The following CLSTN2 variants were observed in gnomAD, a reference collection of about 807,000 sequenced individuals.
The protein encoded by CLSTN2 is calsyntenin 2.
Under a neutral mutation model 101.2 loss-of-function variants are expected in CLSTN2, and 48 were observed. The ratio of observed to expected loss-of-function variants is 0.47; its 90% CI spans 0.38 to 0.60. CLSTN2 has a LOEUF of 0.60. CLSTN2 is among the 20% of genes least tolerant of loss of function. CLSTN2 has a pLI of 0.00. For synonymous variants in CLSTN2, 481 were observed against 463.6 expected (o/e 1.04, Z -0.48); for missense variants, 1,160 against 1,238.2 (o/e 0.94, Z 0.95).
chr3:140,133,174 G>A (rs1344709560), intron 1 of CLSTN2, among the ~76,000 whole-genome samples: 1 of 152,098 alleles, frequency 6.6e-6, no homozygotes, highest in African/African-American at 2.4e-5. Flanking sequence ...CCAAGAGAGA[G>A]GGAGGGGTGC....
chr3:140,407,819 A>T (rs1020526381), intron 4 of CLSTN2, among the ~76,000 whole-genome samples: 1 of 152,198 alleles, frequency 6.6e-6, no homozygotes, highest in East Asian at 1.9e-4. Context: ...TAACACTGTC[A>T]CAGTGGTGAT....
At chr3:140,029,878 G>T (rs191047391) in intron 1 of CLSTN2, among the ~76,000 whole-genome samples, 49 of 152,188 alleles carry the variant, frequency 3.2e-4, no homozygotes, top group Admixed American at 3.1e-3. Flanking sequence ...AGATCTCCAA[G>T]ACCCAAATTG....
intron 2 of CLSTN2, among the ~76,000 whole-genome samples, chr3:140,177,478 T>C (rs955510282): frequency 6.6e-6 from 1 of 152,074 alleles, no homozygotes; most frequent in African/African-American, 2.4e-5. Context: ...CATGGAAATG[T>C]TTGGTTTATT....
rs528754028 is a variant in CLSTN2, at chr3:140,215,824, C to T, written c.232+39751C>T. Among the ~76,000 whole-genome samples, 8 of 152,278 alleles carry T rather than the reference C, an allele frequency of 5.3e-5. No individual in the cohort carries two copies. The South Asian group carries it at 1.7e-3, about 32-fold the overall frequency. On this transcript the variant is annotated intron_variant, in intron 2 of 16. Transcript: ENST00000458420. ...TTCATATAAAATGCTTAAAACAGTGCTTGACATATGGTGAGTACTCAATAT... is the reference window on the plus strand; with the variant it reads ...TTCATATAAAATGCTTAAAACAGTGTTTGACATATGGTGAGTACTCAATAT...
intron 14 of CLSTN2, 39 bp from the exon 15 acceptor site, chr3:140,563,041 C>T (rs1283098937): frequency 5.0e-6 from 8 of 1,612,276 alleles, no homozygotes; most frequent in Non-Finnish European, 2.5e-6. Context: ...GCCCACCTGC[C>T]ACTCCTGGGT....
intron 9 of CLSTN2, among the ~76,000 whole-genome samples, chr3:140,542,790 A>G (rs541186630): frequency 1.7e-4 from 26 of 152,274 alleles, no homozygotes; most frequent in African/African-American, 4.8e-4. Context: ...GACAGTCACA[A>G]AGCTTGGCCT....
chr3:140,414,260 T>C (rs2088400519), intron 4 of CLSTN2, among the ~76,000 whole-genome samples: 1 of 151,582 alleles, frequency 6.6e-6, no homozygotes, highest in East Asian at 1.9e-4. Flanking sequence ...CAACAAACTA[T>C]CCAAAAAAAT....
intron 2 of CLSTN2, among the ~76,000 whole-genome samples, chr3:140,321,906 G>C (rs2087286871): frequency 6.6e-6 from 1 of 152,108 alleles, no homozygotes; most frequent in African/African-American, 2.4e-5. Flanking sequence ...AGGACTGAAG[G>C]CTGCAGCCTT....
intron 12 of CLSTN2, among the ~76,000 whole-genome samples, chr3:140,559,244 G>A (rs1399399726): frequency 1.3e-5 from 2 of 151,584 alleles, no homozygotes; most frequent in African/African-American, 2.4e-5. Flanking sequence ...GAGGCATAAC[G>A]AGAGCCCGTT....
At chr3:140,440,931 G>T (rs1172748717) in intron 5 of CLSTN2, among the ~76,000 whole-genome samples, 1 of 152,178 alleles carries the variant, frequency 6.6e-6, no homozygotes, top group East Asian at 1.9e-4. Context: ...TATTAAGAAA[G>T]TTAAGACAGC....
chr3:140,290,781 A>G (rs920073873), intron 2 of CLSTN2, among the ~76,000 whole-genome samples: 1 of 152,296 alleles, frequency 6.6e-6, no homozygotes, highest in Admixed American at 6.5e-5. Context: ...CTACTCCTCT[A>G]TCTGATGACC....
Position 140,448,563 on chromosome 3 carries a change from C to A in CLSTN2, c.832C>A (p.Pro278Thr), listed in dbSNP as rs771012778. Residue 278 changes from proline (P) to threonine (T), a missense_variant, in exon 6 of 17, where the codon CCC becomes ACC. Coordinates refer to ENST00000458420, the MANE Select transcript of CLSTN2 (RefSeq NM_022131.3). ...IEYQPGSGSM[P>T]LFPSIHLETC... ...GTACCAGCCTGGCTCCGGGAGCATG[C>A]CCCTGTTCCCCAGCATCCACCTGGA... is the stretch of plus-strand genomic sequence containing the variant. 2.5e-6 allele frequency: 4 copies of A among 1,614,026 alleles called. No individual in the cohort carries two copies. The East Asian group carries it at 6.7e-5, about 27-fold the overall frequency.
In CLSTN2 at chr3:140,442,257, T is replaced by C. The variant is rs552989401; in HGVS notation, c.788-6262T>C. Among the ~76,000 whole-genome samples, 34 of 152,202 alleles carry C rather than the reference T, an allele frequency of 2.2e-4. No individual in the cohort carries two copies. In the South Asian group the frequency reaches 2.3e-3, roughly 10 times the overall value. On this transcript the variant is annotated intron_variant, in intron 5 of 16. Coordinates refer to ENST00000458420, the MANE Select transcript of CLSTN2 (RefSeq NM_022131.3). The stretch of plus-strand genomic sequence containing the variant: ...AGCCCACAACCCTACACACCCCTTT[T>C]TGGGGCTTTTACACTCTGGGACACC...
intron 2 of CLSTN2, among the ~76,000 whole-genome samples, chr3:140,400,923 G>T (rs1217619502): frequency 6.6e-6 from 1 of 152,174 alleles, no homozygotes; most frequent in Non-Finnish European, 1.5e-5. Flanking sequence ...TCCCTGCCTT[G>T]CCTGACCAGG....
chr3:140,276,029 T>G (rs4234485), intron 2 of CLSTN2, among the ~76,000 whole-genome samples: 144,979 of 152,226 alleles, frequency 0.95, 69,233 homozygotes, highest in Non-Finnish European at 0.99. Flanking sequence ...AGGGAAGTCC[T>G]GCTGCCTGGG....
chr3:140,190,728 C>G (rs2010554845), intron 2 of CLSTN2, among the ~76,000 whole-genome samples: 1 of 152,090 alleles, frequency 6.6e-6, no homozygotes, highest in African/African-American at 2.4e-5. Context: ...TTACTGCTGA[C>G]ATATAGACAT....
At chr3:140,225,436 G>A (rs926586463) in intron 2 of CLSTN2, among the ~76,000 whole-genome samples, 1 of 152,278 alleles carries the variant, frequency 6.6e-6, no homozygotes, top group Admixed American at 6.5e-5. Context: ...TTGTTTTAGT[G>A]CAGCATAAAG....
intron 2 of CLSTN2, among the ~76,000 whole-genome samples, chr3:140,366,036 A>G (rs1016589300): frequency 6.6e-6 from 1 of 152,158 alleles, no homozygotes; most frequent in Non-Finnish European, 1.5e-5. Context: ...CTTACCTACT[A>G]GCTGGCCAAG....
At chr3:140,483,932 T>C (rs1576592715) in intron 8 of CLSTN2, among the ~76,000 whole-genome samples, 1 of 152,230 alleles carries the variant, frequency 6.6e-6, no homozygotes, top group Non-Finnish European at 1.5e-5. Context: ...CCAGTCTGTG[T>C]CTTTTAATTG....
Sources: gnomAD v4.1 joint callset for allele counts (sites outside exome capture counted in the v4.1 genomes callset) on GRCh38, gnomAD v4.1.1 for gene constraint, MANE v1.5 for transcripts, NCBI Gene and HGNC (gene_info 2026-07-23, HGNC 2026-07-21) for gene names.